HS6ST3: variants seen among roughly 807,000 people sequenced by gnomAD.
The protein encoded by HS6ST3 is heparan-sulfate 6-O-sulfotransferase 3.
HS6ST3 carries 12 observed loss-of-function variants against 36.7 expected under a neutral mutation model. The ratio of observed to expected loss-of-function variants is 0.33; its 90% confidence interval spans 0.21 to 0.53. HS6ST3 has a LOEUF of 0.53. Among genes scored for constraint, HS6ST3 ranks in the 20% least tolerant of loss-of-function variants. The pLI is 0.95. For missense variants in HS6ST3, 584 were observed against 640.9 expected (o/e 0.91, Z 0.96); for synonymous variants, 240 against 257.5 (o/e 0.93, Z 0.65).
At chr13:96,242,098 T>G (rs1180408259) in intron 1 of HS6ST3, among the ~76,000 whole-genome samples, 1 of 152,020 alleles carries the variant, frequency 6.6e-6, no homozygotes, top group Non-Finnish European at 1.5e-5. Flanking sequence ...TGTAACATTT[T>G]CTAATGTTAA....
intron 1 of HS6ST3, among the ~76,000 whole-genome samples, chr13:96,745,657 A>G (rs1055379982): frequency 2.6e-5 from 4 of 152,100 alleles, no homozygotes; most frequent in Non-Finnish European, 5.9e-5. Flanking sequence ...AATTTCCAGG[A>G]TGGGTCAATT....
At chr13:96,162,312 A>G (rs2054139427) in intron 1 of HS6ST3, among the ~76,000 whole-genome samples, 1 of 152,254 alleles carries the variant, frequency 6.6e-6, no homozygotes, top group East Asian at 1.9e-4. Flanking sequence ...AGAGCTGAAT[A>G]TGTGAGACAT....
chr13:96,232,074 G>A (rs1355980788), intron 1 of HS6ST3, among the ~76,000 whole-genome samples: 1 of 152,178 alleles, frequency 6.6e-6, no homozygotes, highest in Non-Finnish European at 1.5e-5. Flanking sequence ...GCATTGACCA[G>A]ATCTGGAAAA....
At chr13:96,205,693 A>T (rs1431683833) in intron 1 of HS6ST3, among the ~76,000 whole-genome samples, 2 of 152,246 alleles carry the variant, frequency 1.3e-5, no homozygotes, top group Non-Finnish European at 2.9e-5. Flanking sequence ...AATAAATGTG[A>T]CTCATCATAT....
At chr13:96,144,780 TCCCTCCC>T (rs1181789959) in intron 1 of HS6ST3, among the ~76,000 whole-genome samples, 3 of 86,636 alleles carry the variant, frequency 3.5e-5, no homozygotes, top group South Asian at 5.1e-4. Flanking sequence ...CCTAATGCTC[TCCCTCCC>T]CCCTCCCCCC....
chr13:96,553,023 G>T (rs1167255597), intron 1 of HS6ST3, among the ~76,000 whole-genome samples: 1 of 152,132 alleles, frequency 6.6e-6, no homozygotes, highest in Non-Finnish European at 1.5e-5. Context: ...GGCAAAGAAA[G>T]GACACACCTG....
At chr13:96,184,945 T>C (rs1311148922) in intron 1 of HS6ST3, among the ~76,000 whole-genome samples, 1 of 152,202 alleles carries the variant, frequency 6.6e-6, no homozygotes, top group Non-Finnish European at 1.5e-5. Flanking sequence ...AGATATTCAG[T>C]GAATTGACTG....
intron 1 of HS6ST3, among the ~76,000 whole-genome samples, chr13:96,615,416 C>G (rs905365477): frequency 1.3e-5 from 2 of 152,156 alleles, no homozygotes; most frequent in African/African-American, 4.8e-5. Context: ...GGGCACCATG[C>G]AAGATTGTTG....
chr13:96,264,776 G>T (rs2054683554), intron 1 of HS6ST3, among the ~76,000 whole-genome samples: 1 of 152,168 alleles, frequency 6.6e-6, no homozygotes, highest in African/African-American at 2.4e-5. Flanking sequence ...TTTCTAAATG[G>T]CAAAGGTATA....
At chr13:96,688,403 C>G (rs889220496) in intron 1 of HS6ST3, among the ~76,000 whole-genome samples, 1 of 151,806 alleles carries the variant, frequency 6.6e-6, no homozygotes, top group Non-Finnish European at 1.5e-5. Context: ...GTGGCTTCGT[C>G]AAGCTGAGCT....
At chr13:96,227,769 T>C (rs2054487951) in intron 1 of HS6ST3, among the ~76,000 whole-genome samples, 1 of 152,186 alleles carries the variant, frequency 6.6e-6, no homozygotes, top group East Asian at 1.9e-4. Context: ...ATTGTCCAGG[T>C]AGAGAATGTG....
intron 1 of HS6ST3, among the ~76,000 whole-genome samples, chr13:96,541,101 C>T (rs2892824): frequency 0.077 from 11,719 of 152,148 alleles, 791 homozygotes; most frequent in African/African-American, 0.18. Context: ...GGCGCGATCT[C>T]GGCTCACTGC....
intron 1 of HS6ST3, among the ~76,000 whole-genome samples, chr13:96,642,246 T>C (rs2056572784): frequency 6.6e-6 from 1 of 151,886 alleles, no homozygotes. Context: ...AAATCATCTG[T>C]TAATCTTATT....
intron 1 of HS6ST3, among the ~76,000 whole-genome samples, chr13:96,259,568 G>A (rs957469762): frequency 1.3e-5 from 2 of 152,144 alleles, no homozygotes; most frequent in African/African-American, 2.4e-5. Context: ...TTGAAGAGCC[G>A]TGGAAAACAT....
In HS6ST3 at chr13:96,832,562, A is replaced by G; in HGVS notation, c.780A>G (p.Arg260=). The G allele has an allele frequency of 6.8e-6, 11 of 1,613,500 alleles. No homozygotes were observed. The highest frequency in any genetic ancestry group is 9.3e-6 in the Non-Finnish European group (11 of 1,179,722). ...TGAGCGAGTGGAAACATGTCCAGAG[A>G]GGGGCCACTTGGAAAACCTCTCTTC... ...RYLSEWKHVQ[R]GATWKTSLHM... The change falls in exon 2 of 2, where the codon AGA becomes AGG. Residue 260 remains arginine (R), a synonymous_variant. Coordinates refer to ENST00000376705, the MANE Select transcript of HS6ST3 (RefSeq NM_153456.4).
chr13:96,347,843 TG>T (rs912281887), intron 1 of HS6ST3, among the ~76,000 whole-genome samples: 4 of 152,176 alleles, frequency 2.6e-5, no homozygotes, highest in Admixed American at 1.3e-4. Flanking sequence ...TCACTATAAC[TG>T]GGCTGAGTAC....
At chr13:96,703,164 T>C (rs1020748356) in intron 1 of HS6ST3, among the ~76,000 whole-genome samples, 44 of 152,228 alleles carry the variant, frequency 2.9e-4, no homozygotes, top group African/African-American at 1.0e-3. Flanking sequence ...AAAACTGTTA[T>C]CAGTAAGAGC....
At chr13:96,612,262 C>A (rs1295737864) in intron 1 of HS6ST3, among the ~76,000 whole-genome samples, 1 of 152,032 alleles carries the variant, frequency 6.6e-6, no homozygotes, top group Admixed American at 6.6e-5. Context: ...CTTGGCCACA[C>A]CCTTTCTTCA....
At chr13:96,147,597 C>G (rs2054064521) in intron 1 of HS6ST3, among the ~76,000 whole-genome samples, 1 of 152,188 alleles carries the variant, frequency 6.6e-6, no homozygotes, top group Non-Finnish European at 1.5e-5. Context: ...CTCCACAGCT[C>G]AAAGCTGTGC....
Sources: gnomAD v4.1 joint callset for allele counts (sites outside exome capture counted in the v4.1 genomes callset) on GRCh38, gnomAD v4.1.1 for gene constraint, MANE v1.5 for transcripts, NCBI Gene and HGNC (gene_info 2026-07-23, HGNC 2026-07-21) for gene names.